The following PRSS23 variants were observed in gnomAD, a reference collection of about 807,000 sequenced individuals.
PRSS23 encodes protease, serine 23.
In PRSS23, 25 loss-of-function variants were observed where a neutral mutation model predicts 34.7. That is an observed-to-expected ratio of 0.72 (90% CI 0.53 to 1.01). The LOEUF is 1.01. Among genes scored for constraint, PRSS23 ranks in the 50% least tolerant of loss-of-function variants. The pLI is 0.00. For synonymous variants in PRSS23, 176 were observed against 186.6 expected (o/e 0.94, Z 0.46); for missense variants, 445 against 475.6 (o/e 0.94, Z 0.60).
At chr11:86,878,781 C>T (rs992144804) in intron 2 of PRSS23, among the ~76,000 whole-genome samples, 1 of 150,802 alleles carries the variant, frequency 6.6e-6, no homozygotes, top group Non-Finnish European at 1.5e-5. Flanking sequence ...AAGTGAGGAG[C>T]GTCTCTGCCC....
intron 2 of PRSS23, among the ~76,000 whole-genome samples, chr11:86,901,789 C>T (rs1388049767): frequency 1.3e-5 from 2 of 152,142 alleles, no homozygotes; most frequent in East Asian, 3.8e-4. Flanking sequence ...TATTTTCCAG[C>T]GTTATCCTGA....
chr11:86,846,596 G>A (rs1948488054), intron 2 of PRSS23, among the ~76,000 whole-genome samples: 2 of 152,172 alleles, frequency 1.3e-5, no homozygotes, highest in South Asian at 4.1e-4. Context: ...CCCTGCCAGA[G>A]GCTCCCCCTG....
intron 2 of PRSS23, among the ~76,000 whole-genome samples, chr11:86,826,786 G>A (rs1486629930): frequency 6.6e-6 from 1 of 152,168 alleles, no homozygotes; most frequent in Non-Finnish European, 1.5e-5. Context: ...TTTATATGCT[G>A]GATTACATTT....
intron 1 of PRSS23, among the ~76,000 whole-genome samples, chr11:86,822,435 A>C (rs147471036): frequency 3.9e-5 from 6 of 152,088 alleles, no homozygotes; most frequent in African/African-American, 1.4e-4. Flanking sequence ...AGCCTGGGCC[A>C]CATAGTGAGA....
intron 2 of PRSS23, among the ~76,000 whole-genome samples, chr11:86,884,298 TTTTTG>T (rs1229439963): frequency 2.0e-5 from 3 of 152,128 alleles, no homozygotes; most frequent in Admixed American, 1.3e-4. Flanking sequence ...CTCATATTTG[TTTTTG>T]TTTTGTTTTG....
chr11:86,858,605 G>T (rs964141734), intron 2 of PRSS23, among the ~76,000 whole-genome samples: 2 of 151,478 alleles, frequency 1.3e-5, no homozygotes, highest in South Asian at 4.2e-4. Flanking sequence ...AAGATCCAGG[G>T]GGGAGAGGAT....
At chr11:86,918,341 A>C (rs1949027163) in intron 2 of PRSS23, among the ~76,000 whole-genome samples, 1 of 152,164 alleles carries the variant, frequency 6.6e-6, no homozygotes, top group Admixed American at 6.6e-5. Flanking sequence ...TTTCTGTATT[A>C]TTTGAAGATT....
At chr11:86,873,155 T>A (rs1221005638) in intron 2 of PRSS23, among the ~76,000 whole-genome samples, 1 of 150,970 alleles carries the variant, frequency 6.6e-6, no homozygotes, top group Admixed American at 6.6e-5. Context: ...AATTGCAACC[T>A]TGTGATTTGC....
rs747690187 is a variant in PRSS23, at chr11:86,807,826, ATCT to A, written c.189_191del (p.Ser64del). 5.0e-6 allele frequency: 8 copies of A among 1,614,012 alleles called. No homozygotes were observed. The highest frequency in any genetic ancestry group is 6.8e-6 in the Non-Finnish European group (8 of 1,180,032). On this transcript the variant is annotated inframe_deletion, in exon 2 of 2. Coordinates refer to ENST00000280258, the MANE Select transcript of PRSS23 (RefSeq NM_007173.6). ...TTGGAGCCGAAGCCAAATTAGAAGT[ATCT>A]TCTTCATGTGGACCCCAGTGTCATA...
At chr11:86,951,583 C>A in exon 3 of PRSS23, 1 of 1,614,074 alleles carries the variant, frequency 6.2e-7, no homozygotes, top group Non-Finnish European at 8.5e-7. Context: ...GGGGAGCCAC[C>A]ACGAACCCGG....
chr11:86,920,745 C>T (rs986830780), intron 2 of PRSS23, among the ~76,000 whole-genome samples: 1 of 152,108 alleles, frequency 6.6e-6, no homozygotes, highest in South Asian at 2.1e-4. Context: ...CTCTACTTCC[C>T]ATTGTAGCCA....
intron 2 of PRSS23, chr11:86,833,388 C>T: frequency 1.5e-6 from 1 of 682,778 alleles, no homozygotes; most frequent in Non-Finnish European, 2.7e-6. Flanking sequence ...CGAGGGCCAG[C>T]TGCAGTTTTG....
At chr11:86,821,468 G>A (rs929414251) in intron 1 of PRSS23, 19 of 1,606,570 alleles carry the variant, frequency 1.2e-5, no homozygotes, top group Admixed American at 1.0e-4. Context: ...GGCTATAGCA[G>A]GACACTCTTT....
intron 2 of PRSS23, among the ~76,000 whole-genome samples, chr11:86,831,734 T>C (rs1948358089): frequency 6.6e-6 from 1 of 151,886 alleles, no homozygotes; most frequent in South Asian, 2.1e-4. Flanking sequence ...GGTATGTTAC[T>C]ACCAATGTCA....
chr11:86,913,598 G>C (rs926361299), intron 2 of PRSS23, among the ~76,000 whole-genome samples: 2 of 151,420 alleles, frequency 1.3e-5, no homozygotes, highest in Non-Finnish European at 2.9e-5. Flanking sequence ...CCAGGGAAAA[G>C]GTAATGAGAG....
At chr11:86,800,696 G>C (rs1186268152) in intron 1 of PRSS23, 45 bp downstream of exon 1, 1 of 964,374 alleles carries the variant, frequency 1.0e-6, no homozygotes. Flanking sequence ...GCGCGGGAGA[G>C]GCGAGGCGCC....
chr11:86,880,134 C>T (rs902623210), intron 2 of PRSS23, among the ~76,000 whole-genome samples: 5 of 152,168 alleles, frequency 3.3e-5, no homozygotes, highest in African/African-American at 7.2e-5. Context: ...TCCTGTTGAT[C>T]GGTGACCTTA....
chr11:86,821,614 A>C (rs1253174990), intron 1 of PRSS23: 1 of 1,601,606 alleles, frequency 6.2e-7, no homozygotes, highest in Non-Finnish European at 8.5e-7. Context: ...TTAAATGTTC[A>C]TACTTCCATA....
chr11:86,916,195 T>C (rs772747001), intron 2 of PRSS23, among the ~76,000 whole-genome samples: 1 of 152,234 alleles, frequency 6.6e-6, no homozygotes, highest in Non-Finnish European at 1.5e-5. Flanking sequence ...GTTAAAGTGA[T>C]TGTAGTTTAG....
Sources: gnomAD v4.1 joint callset for allele counts (sites outside exome capture counted in the v4.1 genomes callset) on GRCh38, gnomAD v4.1.1 for gene constraint, MANE v1.5 for transcripts, NCBI Gene and HGNC (gene_info 2026-07-23, HGNC 2026-07-21) for gene names.